TAF4B: variants seen among roughly 807,000 people sequenced by gnomAD.
TAF4B encodes TATA-box binding protein associated factor 4b.
In TAF4B, 38 loss-of-function variants were observed where a neutral mutation model predicts 86.4. The observed-to-expected ratio is 0.44, with a 90% CI of 0.34 to 0.58. The LOEUF (loss-of-function observed/expected upper bound fraction) is 0.58, where lower values mean the gene tolerates loss of function less well. Ranked by LOEUF, TAF4B falls within the 20% of genes least tolerant of loss-of-function variation. The probability of loss-of-function intolerance (pLI) is 0.02; values close to 1 mark genes in which losing one functional copy is unlikely to be tolerated. For synonymous variants in TAF4B, 388 were observed against 391.2 expected, an observed-to-expected ratio of 0.99 and a Z score of 0.10; for missense variants, 988 against 1,027.6, an observed-to-expected ratio of 0.96 and a Z score of 0.53.
At chr18:26,292,097 T>G (rs1240370382) in intron 7 of TAF4B, 149 bp from the exon 8 acceptor site, 2 of 705,962 alleles carry the variant, frequency 2.8e-6, no homozygotes, top group East Asian at 6.2e-5. Flanking sequence ...AAGATAATTT[T>G]GCTTCATACA....
intron 13 of TAF4B, among the ~76,000 whole-genome samples, chr18:26,353,771 A>G (rs1235250739): frequency 2.0e-5 from 3 of 152,220 alleles, no homozygotes; most frequent in African/African-American, 7.2e-5. Context: ...AAAGACAAAT[A>G]GATTGGAGAC....
intron 2 of TAF4B, 37 bp from the exon 3 acceptor site, chr18:26,267,479 A>G: frequency 7.2e-7 from 1 of 1,393,532 alleles, no homozygotes; most frequent in Non-Finnish European, 1.0e-6. Flanking sequence ...ACTAACGCTA[A>G]TGACTTTGTG....
chr18:26,356,165 G>A (rs907638945), intron 13 of TAF4B, among the ~76,000 whole-genome samples: 1 of 152,056 alleles, frequency 6.6e-6, no homozygotes, highest in African/African-American at 2.4e-5. Flanking sequence ...GAGCCTACTT[G>A]CGCACTATGT....
intron 8 of TAF4B, 52 bp downstream of exon 8, chr18:26,292,433 G>A (rs1480302927): frequency 6.5e-7 from 1 of 1,549,102 alleles, no homozygotes; most frequent in African/African-American, 1.4e-5. Context: ...ACATGAAGGG[G>A]TTTTGTATAA....
chr18:26,315,872 G>T (rs1369357250), intron 10 of TAF4B, among the ~76,000 whole-genome samples: 2 of 152,126 alleles, frequency 1.3e-5, no homozygotes, highest in African/African-American at 2.4e-5. Context: ...TCTAGGCCCA[G>T]GAGTAGTTGT....
Position 26,327,009 on chromosome 18 carries a change from T to A in TAF4B, c.2134-6T>A. 2 of 1,611,282 alleles carry A rather than the reference T, an allele frequency of 1.2e-6. No individual in the cohort carries two copies. The highest frequency in any genetic ancestry group is 1.7e-6 in the Non-Finnish European group (2 of 1,179,098). On this transcript the variant is annotated splice_region_variant and splice_polypyrimidine_tract_variant and intron_variant, in intron 11 of 14. Coordinates refer to ENST00000269142, the MANE Select transcript of TAF4B (RefSeq NM_005640.3). ...ATAAGACTTTCTGTTTTCTTTTTTTTCCCAGGCAAGTGAAAATTACATCCT... is the reference window on the plus strand; with the variant it reads ...ATAAGACTTTCTGTTTTCTTTTTTTACCCAGGCAAGTGAAAATTACATCCT...
intron 1 of TAF4B, among the ~76,000 whole-genome samples, chr18:26,242,032 TAC>T: frequency 6.6e-6 from 1 of 152,186 alleles, no homozygotes; most frequent in Non-Finnish European, 1.5e-5. Context: ...GAATAAGTGC[TAC>T]GTGGTGCTGA....
At chr18:26,233,009 A>G (rs774674472) in intron 1 of TAF4B, among the ~76,000 whole-genome samples, 11 of 152,264 alleles carry the variant, frequency 7.2e-5, no homozygotes, top group East Asian at 3.9e-4. Flanking sequence ...GGCAATGTCA[A>G]TGTTGGGACT....
At chr18:26,341,407 A>C (rs2057134273) in intron 13 of TAF4B, among the ~76,000 whole-genome samples, 5 of 152,168 alleles carry the variant, frequency 3.3e-5, no homozygotes, top group Admixed American at 3.3e-4. Flanking sequence ...CTGGAAAGAA[A>C]ATGAGAAGAA....
At chr18:26,227,572 G>A (rs1019524637) in intron 1 of TAF4B, among the ~76,000 whole-genome samples, 1 of 152,212 alleles carries the variant, frequency 6.6e-6, no homozygotes, top group African/African-American at 2.4e-5. Flanking sequence ...ATTTCCATGT[G>A]GAGGATGGAC....
At chr18:26,333,925 A>G (rs2057071013) in intron 12 of TAF4B, among the ~76,000 whole-genome samples, 2 of 152,154 alleles carry the variant, frequency 1.3e-5, no homozygotes, top group South Asian at 2.1e-4. Flanking sequence ...TGGATGACCA[A>G]TAAATATTGG....
intron 9 of TAF4B, among the ~76,000 whole-genome samples, chr18:26,314,354 A>G (rs2056880928): frequency 6.6e-6 from 1 of 152,190 alleles, no homozygotes; most frequent in African/African-American, 2.4e-5. Flanking sequence ...ACCCTTAAAT[A>G]TATATACTCA....
intron 9 of TAF4B, among the ~76,000 whole-genome samples, chr18:26,310,831 T>C (rs141747088): frequency 8.1e-4 from 124 of 152,244 alleles, no homozygotes; most frequent in African/African-American, 2.6e-3. Context: ...GTTCTAAGTA[T>C]AGTATTTTTT....
intron 9 of TAF4B, 70 bp from the exon 10 acceptor site, chr18:26,315,159 T>TCACA (rs1415957433): frequency 1.6e-4 from 49 of 301,580 alleles, no homozygotes; most frequent in African/African-American, 5.5e-4. Flanking sequence ...TCTCTCTCTC[T>TCACA]CTCACACACA....
At chr18:26,339,044 T>G (rs2057115549) in intron 13 of TAF4B, among the ~76,000 whole-genome samples, 1 of 152,176 alleles carries the variant, frequency 6.6e-6, no homozygotes, top group African/African-American at 2.4e-5. Context: ...ACCTGACAGG[T>G]TTTCTGTCTA....
chr18:26,331,640 A>G (rs1450270962), intron 12 of TAF4B, among the ~76,000 whole-genome samples: 1 of 152,210 alleles, frequency 6.6e-6, no homozygotes, highest in Non-Finnish European at 1.5e-5. Flanking sequence ...AAACATAGGC[A>G]TCATCTTTAA....
At chr18:26,292,193 C>G (rs2144611292) in intron 7 of TAF4B, 53 bp from the exon 8 acceptor site, 3 of 1,559,064 alleles carry the variant, frequency 1.9e-6, no homozygotes, top group Non-Finnish European at 1.7e-6. Context: ...AAATCTTATC[C>G]TTTTCTAAAG....
chr18:26,247,421 G>A lies in TAF4B; in HGVS notation c.344-17749G>A, dbSNP rs571434504. Among the ~76,000 whole-genome samples, 553 of 152,236 alleles carry A rather than the reference G, an allele frequency of 3.6e-3. 1 individual carries two copies. The highest frequency in any genetic ancestry group is 4.5e-3 in the Non-Finnish European group (304 of 68,008). On this transcript the variant is annotated intron_variant, in intron 1 of 14. Transcript: ENST00000269142. ...ATGAGGACCCTCCAAATTCTCAGCC[G>A]TCTGAAAGTATGGGTCTTTAAGTTA...
chr18:26,272,977 A>C (rs529053332), intron 3 of TAF4B, among the ~76,000 whole-genome samples: 1 of 152,282 alleles, frequency 6.6e-6, no homozygotes, highest in East Asian at 1.9e-4. Context: ...AGTCCTCATC[A>C]TTAATCAGTA....
Sources: allele counts gnomAD v4.1 joint callset (sites outside exome capture counted in the v4.1 genomes callset), GRCh38; gene constraint gnomAD v4.1.1; transcripts MANE v1.5; gene names NCBI Gene and HGNC (gene_info 2026-07-23, HGNC 2026-07-21).